Variants in MGST2 observed in about 807,000 individuals in gnomAD.
MGST2 encodes glutathione peroxidase MGST2.
In MGST2, 9 loss-of-function variants were observed where a neutral mutation model predicts 16.6. The ratio of observed to expected loss-of-function variants is 0.54; its 90% CI spans 0.33 to 0.95. The LOEUF is 0.95. Ranked by LOEUF, MGST2 falls within the 40% of genes least tolerant of loss-of-function variation. The pLI, the probability that MGST2 is intolerant of heterozygous loss-of-function variation, is 0.03. For missense variants in MGST2, 159 were observed against 175.1 expected, an observed-to-expected ratio of 0.91 and a Z score of 0.52; for synonymous variants, 79 against 68.0, an observed-to-expected ratio of 1.16 and a Z score of -0.79.
chr4:139,729,178 A>T (rs1728599801), intron 5 of MGST2, among the ~76,000 whole-genome samples: 1 of 138,668 alleles, frequency 7.2e-6, no homozygotes, highest in Non-Finnish European at 1.6e-5. Context: ...AAAAAAAAAA[A>T]AGGGAACATA....
At chr4:139,669,752 C>T (rs531122095) in intron 1 of MGST2, among the ~76,000 whole-genome samples, 1 of 152,194 alleles carries the variant, frequency 6.6e-6, no homozygotes, top group Non-Finnish European at 1.5e-5. Context: ...AAGGCTGTGA[C>T]AATTTATTTT....
intron 5 of MGST2, chr4:139,725,674 G>T: frequency 7.3e-7 from 1 of 1,366,390 alleles, no homozygotes; most frequent in Non-Finnish European, 1.0e-6. Context: ...AGCCAGTAAG[G>T]CAATGCCTCT....
At chr4:139,677,553 G>A (rs536437349) in intron 1 of MGST2, among the ~76,000 whole-genome samples, 204 of 151,448 alleles carry the variant, frequency 1.3e-3, no homozygotes, top group African/African-American at 4.4e-3. Flanking sequence ...CCAGGCTGGA[G>A]TGCAATGGCA....
At chr4:139,743,103 C>T (rs1729216005), downstream of MGST2, among the ~76,000 whole-genome samples, 1 of 152,242 alleles carries the variant, frequency 6.6e-6, no homozygotes, top group South Asian at 2.1e-4. Flanking sequence ...CCCACCTTCA[C>T]TCTGCTTCCC....
chr4:139,711,332 G>A (rs553970151), intron 5 of MGST2, among the ~76,000 whole-genome samples: 1 of 152,286 alleles, frequency 6.6e-6, no homozygotes, highest in South Asian at 2.1e-4. Flanking sequence ...TCTTGCACGA[G>A]TGAGTGCTCA....
At chr4:139,730,306 G>A (rs927051267) in intron 5 of MGST2, 6 of 940,918 alleles carry the variant, frequency 6.4e-6, no homozygotes, top group African/African-American at 3.2e-5. Context: ...ATGCTAGACC[G>A]TGAGCATCTT....
chr4:139,724,282 A>G (rs1728378633), intron 5 of MGST2, among the ~76,000 whole-genome samples: 1 of 152,236 alleles, frequency 6.6e-6, no homozygotes, highest in African/African-American at 2.4e-5. Context: ...TTCAGACTGT[A>G]AACTACAGCT....
At chr4:139,718,208 A>C (rs1728071241) in intron 5 of MGST2, 1 of 152,240 alleles carries the variant, frequency 6.6e-6, no homozygotes, top group Non-Finnish European at 1.5e-5. Context: ...CAAACATCAG[A>C]GCAGCCCTCT....
intron 5 of MGST2, among the ~76,000 whole-genome samples, chr4:139,728,254 T>C (rs1344928138): frequency 6.6e-6 from 1 of 152,094 alleles, no homozygotes; most frequent in Non-Finnish European, 1.5e-5. Context: ...ACTTACTCCT[T>C]GTAGACCTGC....
intron 1 of MGST2, among the ~76,000 whole-genome samples, chr4:139,676,932 TG>T (rs1460196395): frequency 7.9e-5 from 12 of 152,212 alleles, no homozygotes; most frequent in Admixed American, 2.0e-4. Flanking sequence ...TGTCCAGATC[TG>T]GGAGAGATTA....
chr4:139,674,094 G>A (rs1263996228), intron 1 of MGST2, among the ~76,000 whole-genome samples: 1 of 152,172 alleles, frequency 6.6e-6, no homozygotes, highest in Non-Finnish European at 1.5e-5. Flanking sequence ...AAGTATCTGA[G>A]ACAATTTAGA....
At chr4:139,693,472 C>T (rs965424972) in intron 2 of MGST2, among the ~76,000 whole-genome samples, 3 of 150,766 alleles carry the variant, frequency 2.0e-5, no homozygotes, top group Non-Finnish European at 4.4e-5. Context: ...TCTGCTACTA[C>T]TACATTTTAC....
intron 5 of MGST2, among the ~76,000 whole-genome samples, chr4:139,726,992 C>T (rs1728500114): frequency 6.6e-6 from 1 of 152,212 alleles, no homozygotes; most frequent in South Asian, 2.1e-4. Context: ...TCATTAAGCA[C>T]CTTTCATCTG....
At chr4:139,690,181 A>G (rs1726488788) in intron 2 of MGST2, among the ~76,000 whole-genome samples, 1 of 152,174 alleles carries the variant, frequency 6.6e-6, no homozygotes, top group African/African-American at 2.4e-5. Flanking sequence ...TAATAGAGTC[A>G]GGGTTTCACC....
chr4:139,730,154 GAATCAAAGAAA>G, intron 5 of MGST2: 1 of 544,920 alleles, frequency 1.8e-6, no homozygotes, highest in Non-Finnish European at 3.3e-6. Context: ...AGTCAGACTT[GAATCAAAGAAA>G]TGTCTCTGGC....
At chr4:139,713,201 A>G (rs1727802565) in intron 5 of MGST2, among the ~76,000 whole-genome samples, 1 of 152,194 alleles carries the variant, frequency 6.6e-6, no homozygotes, top group Non-Finnish European at 1.5e-5. Context: ...AGCTGTCTCA[A>G]AATGCAAAGT....
At chr4:139,712,277 G>A (rs1485631636) in intron 5 of MGST2, among the ~76,000 whole-genome samples, 3 of 152,182 alleles carry the variant, frequency 2.0e-5, no homozygotes, top group Non-Finnish European at 4.4e-5. Flanking sequence ...TTTCCTCTGA[G>A]CAGCAGTTAG....
intron 5 of MGST2, among the ~76,000 whole-genome samples, chr4:139,727,505 C>T (rs1179228707): frequency 6.6e-6 from 1 of 152,188 alleles, no homozygotes. Flanking sequence ...TCAGTTCCAT[C>T]CTGGCTCTGT....
At chr4:139,691,058 C>T (rs890687644) in intron 2 of MGST2, among the ~76,000 whole-genome samples, 6 of 152,172 alleles carry the variant, frequency 3.9e-5, no homozygotes, top group African/African-American at 1.4e-4. Flanking sequence ...ACCAAGATAG[C>T]GTTCATGGGA....
Sources: allele counts gnomAD v4.1 joint callset (sites outside exome capture counted in the v4.1 genomes callset), GRCh38; gene constraint gnomAD v4.1.1; transcripts MANE v1.5; gene names NCBI Gene and HGNC (gene_info 2026-07-23, HGNC 2026-07-21).